The following ACKR5 variants were observed in gnomAD, a reference collection of about 807,000 sequenced individuals.
ACKR5 encodes G protein-coupled receptor 182.
chr12:56,995,838 C>T, the ACKR5 span: 39 of 1,613,756 alleles, frequency 2.4e-5, no homozygotes, highest in Non-Finnish European at 2.9e-5. This position sits in a 1 kb window ranked among gnomAD's most constrained non-coding sequence, Gnocchi z 4.7. Context: ...CCTTTTGAAA[C>T]GTACAGCACC....
At chr12:56,995,887 C>T in the ACKR5 span, 1 of 1,612,080 alleles carries the variant, frequency 6.2e-7, no homozygotes, top group Non-Finnish European at 8.5e-7. The surrounding 1 kb of genome is among the most constrained non-coding windows in gnomAD (Gnocchi z 4.7). Context: ...CCATCCTGGG[C>T]TTCCTGCTGC....
chr12:56,995,589 GC>G, the ACKR5 span: 1 of 1,614,074 alleles, frequency 6.2e-7, no homozygotes. The surrounding 1 kb of genome is among the most constrained non-coding windows in gnomAD (Gnocchi z 4.7). Context: ...TTCTCCTGCC[GC>G]TTCACTCACT....
At chr12:56,995,520 T>G in the ACKR5 span, 1 of 1,614,060 alleles carries the variant, frequency 6.2e-7, no homozygotes, top group Non-Finnish European at 8.5e-7. This position sits in a 1 kb window ranked among gnomAD's most constrained non-coding sequence, Gnocchi z 4.7. Context: ...GGCATTGTCC[T>G]GTCTCTGCCC....
chr12:56,997,338 C>G, the ACKR5 span: 1 of 152,272 alleles, frequency 6.6e-6, no homozygotes, highest in Non-Finnish European at 1.5e-5. Context: ...GCAGCAGGTG[C>G]TGGCAGATGC....
chr12:56,996,251 A>G, the ACKR5 span: 1 of 1,614,156 alleles, frequency 6.2e-7, no homozygotes, highest in Non-Finnish European at 8.5e-7. Context: ...CAAGGCGGGC[A>G]CATGCGCCTC....
chr12:56,995,236 T>A, the ACKR5 span: 1 of 1,613,806 alleles, frequency 6.2e-7, no homozygotes, highest in Non-Finnish European at 8.5e-7. This position sits in a 1 kb window ranked among gnomAD's most constrained non-coding sequence, Gnocchi z 4.7. Flanking sequence ...GCTGGGGGCC[T>A]GGCCCCTCGG....
At chr12:56,995,920 C>T in the ACKR5 span, 1 of 1,613,202 alleles carries the variant, frequency 6.2e-7, no homozygotes, top group Non-Finnish European at 8.5e-7. The surrounding 1 kb of genome is among the most constrained non-coding windows in gnomAD (Gnocchi z 4.7). Context: ...TCACAGTCTT[C>T]AATGTGCTGA....
chr12:56,996,507 A>C, the ACKR5 span: 1 of 1,268,128 alleles, frequency 7.9e-7, no homozygotes, highest in Non-Finnish European at 1.1e-6. Flanking sequence ...TGTAGAGGGG[A>C]GGGTCAAAGC....
chr12:56,998,645 A>C, the ACKR5 span, among the ~76,000 whole-genome samples: 1 of 152,190 alleles, frequency 6.6e-6, no homozygotes, highest in Non-Finnish European at 1.5e-5. Flanking sequence ...TGAGTCTTTG[A>C]CTTAATTTCC....
the ACKR5 span, chr12:56,996,448 A>C: frequency 6.5e-7 from 1 of 1,538,658 alleles, no homozygotes; most frequent in Non-Finnish European, 8.7e-7. Context: ...CTCCTCCAAC[A>C]GTGAAGGAAA....
At chr12:56,996,161 A>G in the ACKR5 span, 1 of 1,613,904 alleles carries the variant, frequency 6.2e-7, no homozygotes, top group Non-Finnish European at 8.5e-7. Flanking sequence ...CATCAACCCC[A>G]TCCTTTACAA....
the ACKR5 span, chr12:56,995,927 C>G: frequency 2.5e-6 from 4 of 1,612,960 alleles, no homozygotes; most frequent in African/African-American, 5.3e-5. This position sits in a 1 kb window ranked among gnomAD's most constrained non-coding sequence, Gnocchi z 4.7. Flanking sequence ...CTTCAATGTG[C>G]TGACAGCCTG....
the ACKR5 span, chr12:56,995,794 G>A: frequency 6.2e-6 from 10 of 1,614,096 alleles, no homozygotes; most frequent in Non-Finnish European, 8.5e-6. The surrounding 1 kb of genome is among the most constrained non-coding windows in gnomAD (Gnocchi z 4.7). Context: ...TCCAGCTGGT[G>A]GAGGGCCCTG....
the ACKR5 span, chr12:56,995,712 G>A: frequency 2.9e-5 from 46 of 1,613,590 alleles, no homozygotes; most frequent in East Asian, 3.1e-4. The surrounding 1 kb of genome is among the most constrained non-coding windows in gnomAD (Gnocchi z 4.7). Flanking sequence ...TACCAGCACC[G>A]AGTGCGGCGG....
At chr12:56,996,292 C>CATG in the ACKR5 span, 1 of 1,614,234 alleles carries the variant, frequency 6.2e-7, no homozygotes, top group Non-Finnish European at 8.5e-7. Context: ...AGCATTCCAT[C>CATG]ATCATCACCA....
the ACKR5 span, chr12:56,995,859 C>A: frequency 6.2e-7 from 1 of 1,612,544 alleles, no homozygotes; most frequent in South Asian, 1.1e-5. This position sits in a 1 kb window ranked among gnomAD's most constrained non-coding sequence, Gnocchi z 4.7. Flanking sequence ...TGGGCCCTGG[C>A]GGTGGCCCTG....
the ACKR5 span, chr12:56,996,454 G>A: frequency 6.5e-7 from 1 of 1,535,680 alleles, no homozygotes; most frequent in Non-Finnish European, 8.8e-7. Flanking sequence ...CAACAGTGAA[G>A]GAAAAGGCAC....
At chr12:56,998,298 C>T in the ACKR5 span, 3 of 152,356 alleles carry the variant, frequency 2.0e-5, no homozygotes, top group East Asian at 5.8e-4. Context: ...AGCTGTTACA[C>T]TCAGCATCTA....
the ACKR5 span, chr12:56,995,204 G>A: frequency 6.2e-7 from 1 of 1,610,414 alleles, no homozygotes; most frequent in Non-Finnish European, 8.5e-7. The surrounding 1 kb of genome is among the most constrained non-coding windows in gnomAD (Gnocchi z 4.7). Flanking sequence ...GCGTGTGCTG[G>A]TCCCAATGTC....
Sources: gnomAD v4.1 joint callset for allele counts (sites outside exome capture counted in the v4.1 genomes callset) on GRCh38, gnomAD v4.1.1 for gene constraint, Gnocchi (gnomAD v3.1) non-coding constraint, MANE v1.5 for transcripts, NCBI Gene and HGNC (gene_info 2026-07-23, HGNC 2026-07-21) for gene names.